The following RBMS3 variants were observed in gnomAD, a reference collection of about 807,000 sequenced individuals.
RBMS3 encodes RNA-binding motif, single-stranded-interacting protein 3.
A neutral mutation model predicts 66.8 loss-of-function variants in RBMS3; 27 were observed. That is an observed-to-expected ratio of 0.40 (90% CI 0.30 to 0.56). RBMS3 has a LOEUF of 0.56. Among genes scored for constraint, RBMS3 ranks in the 20% least tolerant of loss-of-function variants. The probability of loss-of-function intolerance (pLI) is 0.40; values close to 1 mark genes in which losing one functional copy is unlikely to be tolerated. For synonymous variants in RBMS3, 188 were observed against 183.0 expected, an observed-to-expected ratio of 1.03 and a Z score of -0.22; for missense variants, 513 against 549.5, an observed-to-expected ratio of 0.93 and a Z score of 0.66.
chr3:29,403,733 G>C (rs1313323434), intron 1 of RBMS3, among the ~76,000 whole-genome samples: 1 of 151,978 alleles, frequency 6.6e-6, no homozygotes, highest in Admixed American at 6.6e-5. Flanking sequence ...TTATTAAAAA[G>C]TGATTGCAGA....
intron 1 of RBMS3, among the ~76,000 whole-genome samples, chr3:29,302,640 A>G (rs1172599506): frequency 1.3e-5 from 2 of 152,102 alleles, no homozygotes; most frequent in Admixed American, 1.3e-4. Flanking sequence ...TAATTTTAAA[A>G]TATATCTAAA....
At chr3:29,528,123 T>G (rs1245900207) in intron 3 of RBMS3, among the ~76,000 whole-genome samples, 1 of 148,710 alleles carries the variant, frequency 6.7e-6, no homozygotes, top group African/African-American at 2.5e-5. Context: ...TTTTTTTTTT[T>G]TTTTTTTGAG....
At chr3:29,310,229 G>A (rs977761235) in intron 1 of RBMS3, among the ~76,000 whole-genome samples, 2 of 151,622 alleles carry the variant, frequency 1.3e-5, no homozygotes, top group African/African-American at 4.8e-5. Flanking sequence ...ATTTTGTATT[G>A]GGATGGAGTA....
intron 6 of RBMS3, among the ~76,000 whole-genome samples, chr3:29,792,577 C>T (rs542594617): frequency 6.6e-6 from 1 of 152,146 alleles, no homozygotes; most frequent in South Asian, 2.1e-4. Context: ...GCTGTATGAC[C>T]TGGGGCAAGT....
chr3:29,464,910 T>C (rs1157927102), intron 2 of RBMS3, among the ~76,000 whole-genome samples: 3 of 152,194 alleles, frequency 2.0e-5, no homozygotes, highest in African/African-American at 7.2e-5. Context: ...GACTGATTTA[T>C]TTTCATGTCT....
intron 4 of RBMS3, among the ~76,000 whole-genome samples, chr3:29,647,585 C>T (rs2049972847): frequency 7.0e-6 from 1 of 143,818 alleles, no homozygotes; most frequent in African/African-American, 2.6e-5. Flanking sequence ...TGTTGTGTTA[C>T]TCCATAGTAT....
intron 2 of RBMS3, among the ~76,000 whole-genome samples, chr3:29,476,363 C>T (rs1421758916): frequency 2.0e-5 from 3 of 152,144 alleles, no homozygotes; most frequent in Admixed American, 6.5e-5. Flanking sequence ...CCTACCTCAC[C>T]ACCAGTAAGG....
In RBMS3 at chr3:29,728,940, A is replaced by G. The variant is rs534228338; in HGVS notation, c.400-10780A>G. Among the ~76,000 whole-genome samples, 8 of 152,258 alleles carry G rather than the reference A, an allele frequency of 5.3e-5. No individual in the cohort carries two copies. In the East Asian group the frequency reaches 1.5e-3, roughly 29 times the overall value. On this transcript the variant is annotated intron_variant, in intron 4 of 14. Transcript: ENST00000383767. ...CAAGCAAAACAGCACACAAGAGAAC[A>G]TTTTGTATCAAAGTTGTGGCTTTTC... is the stretch of plus-strand genomic sequence containing the variant.
At chr3:29,714,199 G>A (rs1201700007) in intron 4 of RBMS3, among the ~76,000 whole-genome samples, 1 of 152,164 alleles carries the variant, frequency 6.6e-6, no homozygotes, top group Non-Finnish European at 1.5e-5. Context: ...AATGAGCAGT[G>A]GTGTACATAT....
intron 12 of RBMS3, among the ~76,000 whole-genome samples, chr3:29,981,020 G>C (rs766306037): frequency 1.1e-4 from 16 of 152,266 alleles, no homozygotes; most frequent in Non-Finnish European, 1.3e-4. Flanking sequence ...ATTACTTTGG[G>C]CAATATGGCT....
At position 29,392,902 on chromosome 3, in the gene RBMS3, G is replaced by GA. The variant is rs5847566; in HGVS notation, c.76-41830dup. Among the ~76,000 whole-genome samples, 1,229 of 144,434 alleles carry GA rather than the reference G, an allele frequency of 8.5e-3. 6 individuals carry two copies. The highest frequency in any genetic ancestry group is 0.011 in the Non-Finnish European group (689 of 65,370). The allele number at this position is 144,434 out of a possible 152,430, so 94.8% of individuals were successfully genotyped here. On this transcript the variant is annotated intron_variant, in intron 1 of 14. Coordinates refer to ENST00000383767, the MANE Select transcript of RBMS3 (RefSeq NM_001003793.3). Reference sequence around the variant, plus strand: ...ATTATAAGATGGCATAGTGTCTACAGAAAAAAAAAAACAAGAAAAAAAGGA... The same window carrying GA: ...ATTATAAGATGGCATAGTGTCTACAGAAAAAAAAAAAACAAGAAAAAAAGGA...
intron 2 of RBMS3, among the ~76,000 whole-genome samples, chr3:29,443,315 C>T (rs1004027159): frequency 1.3e-5 from 2 of 152,002 alleles, no homozygotes; most frequent in Admixed American, 1.3e-4. Flanking sequence ...TTCAAACGTA[C>T]TTATTGATTG....
chr3:29,370,641 A>G (rs7615698), intron 1 of RBMS3, among the ~76,000 whole-genome samples: 14,696 of 152,236 alleles, frequency 0.097, 1,282 homozygotes, highest in African/African-American at 0.21. Context: ...CAGTTCTAGT[A>G]TTAAATCAAC....
intron 3 of RBMS3, among the ~76,000 whole-genome samples, chr3:29,497,234 G>A (rs1405118163): frequency 6.6e-6 from 1 of 151,962 alleles, no homozygotes; most frequent in Admixed American, 6.6e-5. Context: ...TGGTGTTGAT[G>A]TCCTGACATC....
chr3:29,994,184 A>T (rs1699065691), intron 14 of RBMS3, among the ~76,000 whole-genome samples: 1 of 152,162 alleles, frequency 6.6e-6, no homozygotes, highest in Non-Finnish European at 1.5e-5. Flanking sequence ...CACCTGGAAA[A>T]TCGGGTCACT....
At chr3:29,649,706 C>G (rs9862854) in intron 4 of RBMS3, among the ~76,000 whole-genome samples, 24,782 of 152,130 alleles carry the variant, frequency 0.16, 2,226 homozygotes, top group East Asian at 0.3. Flanking sequence ...CATTGTCATT[C>G]ATGAAACAAG....
chr3:29,602,129 TA>T (rs2048165935), intron 4 of RBMS3, among the ~76,000 whole-genome samples: 1 of 152,086 alleles, frequency 6.6e-6, no homozygotes, highest in Non-Finnish European at 1.5e-5. Context: ...CAAATTTTAA[TA>T]GAGTTTTGCC....
chr3:29,810,224 G>C (rs1471984291), intron 6 of RBMS3, among the ~76,000 whole-genome samples: 1 of 152,072 alleles, frequency 6.6e-6, no homozygotes, highest in Non-Finnish European at 1.5e-5. Flanking sequence ...GACATGATGA[G>C]TAATATCTAA....
chr3:29,771,855 C>A (rs2056219203), intron 6 of RBMS3, among the ~76,000 whole-genome samples: 1 of 151,978 alleles, frequency 6.6e-6, no homozygotes, highest in South Asian at 2.1e-4. Flanking sequence ...ACAACCAGAT[C>A]TTGTGAGAAC....
Sources: gnomAD v4.1 joint callset for allele counts (sites outside exome capture counted in the v4.1 genomes callset) on GRCh38, gnomAD v4.1.1 for gene constraint, MANE v1.5 for transcripts, NCBI Gene and HGNC (gene_info 2026-07-23, HGNC 2026-07-21) for gene names.